Variants in ACTR3 observed in about 807,000 individuals in gnomAD.
ACTR3 encodes actin related protein 3, also known as actin-related protein 3.
In ACTR3, 12 loss-of-function variants were observed where a neutral mutation model predicts 56.8. That is an observed-to-expected ratio of 0.21 (90% CI 0.14 to 0.34). The LOEUF is 0.34. Ranked by LOEUF, ACTR3 falls within the 10% of genes least tolerant of loss-of-function variation. ACTR3 has a pLI of 1.00. For missense variants in ACTR3, 282 were observed against 512.5 expected, an observed-to-expected ratio of 0.55 and a Z score of 4.34; for synonymous variants, 162 against 167.4, an observed-to-expected ratio of 0.97 and a Z score of 0.25.
intron 10 of ACTR3, chr2:113,952,688 A>G (rs1235549800): frequency 1.3e-5 from 2 of 152,126 alleles, no homozygotes; most frequent in African/African-American, 2.4e-5. Context: ...GAGTAAACCT[A>G]TCCCTAGGAA....
intron 3 of ACTR3, among the ~76,000 whole-genome samples, chr2:113,925,353 G>A (rs183948756): frequency 6.6e-6 from 1 of 151,570 alleles, no homozygotes; most frequent in African/African-American, 2.4e-5. Context: ...GCACCACCAC[G>A]CCTGGCTAAT....
chr2:113,950,495 G>A (rs878978099), intron 8 of ACTR3, among the ~76,000 whole-genome samples: 1 of 152,164 alleles, frequency 6.6e-6, no homozygotes, highest in Non-Finnish European at 1.5e-5. Flanking sequence ...TGCTCTACAC[G>A]TGCATGTCCA....
chr2:113,894,660 C>A (rs982288198), intron 1 of ACTR3, among the ~76,000 whole-genome samples: 1 of 152,170 alleles, frequency 6.6e-6, no homozygotes. Context: ...AACTTTCAGG[C>A]TTATTGTAAA....
At chr2:113,940,140 T>A (rs1184444738) in intron 7 of ACTR3, 38 bp downstream of exon 7, 2 of 1,566,358 alleles carry the variant, frequency 1.3e-6, no homozygotes, top group Admixed American at 3.8e-5. Flanking sequence ...AGTTAAAAAT[T>A]AAAATCACAT....
Position 113,892,343 on chromosome 2 carries a change from T to G in ACTR3, c.44+2020T>G, listed in dbSNP as rs531021252. Among the ~76,000 whole-genome samples, 7 of 152,372 alleles carry G rather than the reference T, an allele frequency of 4.6e-5. No homozygotes were observed. The South Asian group carries it at 1.5e-3, about 32-fold the overall frequency. ...TCACAATAGTGTATTTTTAAGTTAT[T>G]ACATTGGTTTCTCCAATAAGGAGAG... On this transcript the variant is annotated intron_variant, in intron 1 of 11. Coordinates refer to ENST00000263238, the MANE Select transcript of ACTR3 (RefSeq NM_005721.5).
intron 5 of ACTR3, 24 bp from the exon 6 acceptor site, chr2:113,934,255 C>A: frequency 7.2e-7 from 1 of 1,384,762 alleles, no homozygotes; most frequent in Non-Finnish European, 9.6e-7. Flanking sequence ...GTTTTTTTGC[C>A]TTTCTTCTTT....
At chr2:113,918,768 T>C (rs577319437) in intron 3 of ACTR3, among the ~76,000 whole-genome samples, 2 of 152,358 alleles carry the variant, frequency 1.3e-5, no homozygotes, top group South Asian at 4.1e-4. Context: ...ACTCAATATA[T>C]GTTGGCTTAT....
intron 1 of ACTR3, among the ~76,000 whole-genome samples, chr2:113,891,347 T>G (rs1322755201): frequency 6.6e-6 from 1 of 151,570 alleles, no homozygotes; most frequent in Non-Finnish European, 1.5e-5. Context: ...AAATAGTTAC[T>G]CGTAGATATG....
Position 113,890,242 on chromosome 2 carries a change from G to A in ACTR3, c.-38G>A. On this transcript the variant is annotated 5_prime_UTR_variant, in exon 1 of 12. Coordinates refer to ENST00000263238, the MANE Select transcript of ACTR3 (RefSeq NM_005721.5). ...AATCTCTGGCCCCTAGCAGCACGGA[G>A]CAGACGGCGGCAGCAGCAGCAGCAG... 6.4e-7 allele frequency: 1 copy of A among 1,551,256 alleles called. No individual in the cohort carries two copies. Among genetic ancestry groups the A allele is most frequent in the Non-Finnish European group, 8.7e-7 (1 of 1,146,804 alleles).
chr2:113,956,521 A>G (rs1680216486), intron 11 of ACTR3, among the ~76,000 whole-genome samples: 1 of 152,112 alleles, frequency 6.6e-6, no homozygotes, highest in African/African-American at 2.4e-5. Flanking sequence ...TTAAGTATTT[A>G]AAAACATTAA....
chr2:113,941,170 C>T (rs903276575), intron 7 of ACTR3, among the ~76,000 whole-genome samples: 1 of 152,148 alleles, frequency 6.6e-6, no homozygotes. Flanking sequence ...TTATCAACTA[C>T]TTCCTAGGTA....
intron 2 of ACTR3, among the ~76,000 whole-genome samples, chr2:113,915,839 G>GT (rs1679395231): frequency 1.3e-5 from 2 of 152,236 alleles, no homozygotes; most frequent in African/African-American, 4.8e-5. Context: ...ATTTTTGAGT[G>GT]TTTTTTCTCA....
Position 113,890,202 on chromosome 2 carries a change from T to C in ACTR3, c.-78T>C. 1 of 1,542,950 alleles carries C rather than the reference T, an allele frequency of 6.5e-7. No individual in the cohort carries two copies. Among genetic ancestry groups the C allele is most frequent in the Non-Finnish European group, 8.8e-7 (1 of 1,139,408 alleles). ...CCAGCTGTGGATGGTCAGATAGCCCTTGTCTCCCGCCGCCAATCTCTGGCC... is the reference window on the plus strand; with the variant it reads ...CCAGCTGTGGATGGTCAGATAGCCCCTGTCTCCCGCCGCCAATCTCTGGCC... On this transcript the variant is annotated 5_prime_UTR_variant, in exon 1 of 12. Transcript: ENST00000263238.
chr2:113,915,575 T>G (rs1219234116), intron 2 of ACTR3, among the ~76,000 whole-genome samples: 1 of 152,250 alleles, frequency 6.6e-6, no homozygotes, highest in Admixed American at 6.5e-5. Flanking sequence ...GTATAATCTT[T>G]TGTTGTGATT....
chr2:113,893,389 G>C (rs1195514337), intron 1 of ACTR3, among the ~76,000 whole-genome samples: 1 of 152,034 alleles, frequency 6.6e-6, no homozygotes, highest in African/African-American at 2.4e-5. Flanking sequence ...CACCTCCCAG[G>C]TTCAAGCTAT....
At position 113,916,962 on chromosome 2, in the gene ACTR3, T is replaced by A; in HGVS notation, c.179T>A (p.Phe60Tyr). The A allele has an allele frequency of 1.2e-6, 2 of 1,609,868 alleles. No individual in the cohort carries two copies. The highest frequency in any genetic ancestry group is 1.1e-5 in the South Asian group (1 of 90,578). ...ATGAAAGGTGTTGATGACCTAGACT[T>A]CTTCATTGGTGATGAAGCAATAGAA... ...RVMKGVDDLD[F>Y]FIGDEAIEKP... Residue 60 changes from phenylalanine (F) to tyrosine (Y), a missense_variant, in exon 3 of 12, where the codon TTC (phenylalanine) becomes TAC (tyrosine). Transcript: ENST00000263238.
Position 113,957,555 on chromosome 2 carries a change from A to G in ACTR3, c.*100A>G. ...GGCTGGTTTTGAGGTTTTAAACCTG[A>G]CTTGAAATAGTAACACCAAACATGA... On this transcript the variant is annotated 3_prime_UTR_variant, in exon 12 of 12. Transcript: ENST00000263238. 1.2e-6 allele frequency: 1 copy of G among 845,778 alleles called. No individual in the cohort carries two copies. Among genetic ancestry groups the G allele is most frequent in the East Asian group, 2.5e-5 (1 of 39,402 alleles). The allele number at this position is 845,778 out of a possible 1,614,324, so 52.4% of individuals were successfully genotyped here. A position where few individuals can be genotyped will look rare whatever the true frequency, so the allele number is the denominator to read the frequency against.
At chr2:113,933,307 A>G (rs796429873) in intron 5 of ACTR3, among the ~76,000 whole-genome samples, 14 of 152,222 alleles carry the variant, frequency 9.2e-5, no homozygotes, top group African/African-American at 3.4e-4. Context: ...TCAGGAGTTC[A>G]AGATCAGCCT....
intron 4 of ACTR3, among the ~76,000 whole-genome samples, chr2:113,929,377 G>A (rs978314119): frequency 6.6e-6 from 1 of 151,756 alleles, no homozygotes; most frequent in Non-Finnish European, 1.5e-5. Context: ...TGGGCTCCAA[G>A]TGATCCTCCC....
Sources: gnomAD v4.1 joint callset for allele counts (sites outside exome capture counted in the v4.1 genomes callset) on GRCh38, gnomAD v4.1.1 for gene constraint, MANE v1.5 for transcripts, NCBI Gene and HGNC (gene_info 2026-07-23, HGNC 2026-07-21) for gene names.